Variants in EPB41L2 observed in about 807,000 individuals in gnomAD.
The protein encoded by EPB41L2 is erythrocyte membrane protein band 4.1 like 2.
EPB41L2 carries 43 observed loss-of-function variants against 113.0 expected under a neutral mutation model. The ratio of observed to expected loss-of-function variants is 0.38; its 90% CI spans 0.30 to 0.49. EPB41L2 has a LOEUF of 0.49. EPB41L2 is among the 20% of genes least tolerant of loss of function. EPB41L2 has a pLI of 0.95. For missense variants in EPB41L2, 1,147 were observed against 1,223.4 expected (o/e 0.94, Z 0.93); for synonymous variants, 442 against 436.7 (o/e 1.01, Z -0.15).
At position 130,869,736 on chromosome 6, in the gene EPB41L2, T is replaced by C; in HGVS notation, c.2434A>G (p.Thr812Ala). Residue 812 changes from threonine (T) to alanine (A), a missense_variant, in exon 15 of 20, where the codon ACA (threonine) becomes GCA (alanine). Transcript: ENST00000337057. ...QAGASVITVETVIQENVGAQK... is the reference protein window; with the variant it reads ...QAGASVITVEAVIQENVGAQK... Reference sequence around the variant, plus strand: ...GCACCTACATTTTCCTGGATCACTGTTTCTACTGTGATTACACTGGCACCT... The same window carrying C: ...GCACCTACATTTTCCTGGATCACTGCTTCTACTGTGATTACACTGGCACCT... 1 of 1,614,162 alleles carries C rather than the reference T, an allele frequency of 6.2e-7. No homozygotes were observed. The highest frequency in any genetic ancestry group is 2.2e-5 in the East Asian group (1 of 44,876).
chr6:130,927,785 T>A (rs556601920), intron 3 of EPB41L2, among the ~76,000 whole-genome samples: 28 of 152,162 alleles, frequency 1.8e-4, no homozygotes, highest in Non-Finnish European at 2.8e-4. Context: ...ACAGATAACA[T>A]TATTTCAACA....
At chr6:131,057,935 G>A (rs763735638) in intron 1 of EPB41L2, among the ~76,000 whole-genome samples, 6 of 152,202 alleles carry the variant, frequency 3.9e-5, no homozygotes, top group Non-Finnish European at 8.8e-5. Context: ...TCCCCATGAT[G>A]CCGAACTTAG....
At chr6:130,938,976 A>G (rs1208364262) in intron 3 of EPB41L2, among the ~76,000 whole-genome samples, 1 of 152,194 alleles carries the variant, frequency 6.6e-6, no homozygotes, top group Non-Finnish European at 1.5e-5. Context: ...CCTGGATATC[A>G]TCATGGAACT....
At chr6:130,943,656 A>C (rs1811664953) in intron 3 of EPB41L2, among the ~76,000 whole-genome samples, 1 of 152,246 alleles carries the variant, frequency 6.6e-6, no homozygotes, top group Non-Finnish European at 1.5e-5. Flanking sequence ...GGGCAAACAA[A>C]GTAATCCCCT....
chr6:131,036,924 G>A (rs949250223), intron 1 of EPB41L2, among the ~76,000 whole-genome samples: 4 of 152,160 alleles, frequency 2.6e-5, no homozygotes, highest in Admixed American at 2.6e-4. Flanking sequence ...CCACTGAGAG[G>A]GGCAGGAAAG....
intron 1 of EPB41L2, among the ~76,000 whole-genome samples, chr6:131,053,185 C>G (rs1198850888): frequency 6.6e-6 from 1 of 151,650 alleles, no homozygotes; most frequent in Non-Finnish European, 1.5e-5. Context: ...CATGAATCAC[C>G]GTGCCCAGCA....
At chr6:131,040,502 T>C (rs1794257420) in intron 1 of EPB41L2, among the ~76,000 whole-genome samples, 1 of 152,104 alleles carries the variant, frequency 6.6e-6, no homozygotes, top group East Asian at 1.9e-4. Flanking sequence ...TCTTTAAAAA[T>C]CCCATTTTAT....
At chr6:130,930,861 A>C (rs182114485) in intron 3 of EPB41L2, among the ~76,000 whole-genome samples, 38 of 152,336 alleles carry the variant, frequency 2.5e-4, no homozygotes, top group Non-Finnish European at 5.3e-4. Flanking sequence ...TTAAAATATG[A>C]CTAAGGAAAA....
At chr6:131,006,708 A>AT (rs1163856872) in intron 1 of EPB41L2, among the ~76,000 whole-genome samples, 1 of 151,600 alleles carries the variant, frequency 6.6e-6, no homozygotes, top group Admixed American at 6.6e-5. Context: ...CATGAGTTAG[A>AT]TTTTTTAGCA....
At chr6:130,961,396 G>A (rs1674557862) in intron 1 of EPB41L2, among the ~76,000 whole-genome samples, 1 of 152,158 alleles carries the variant, frequency 6.6e-6, no homozygotes, top group African/African-American at 2.4e-5. Context: ...CATCAATAGA[G>A]GATCAGTACT....
Position 130,939,411 on chromosome 6 carries a change from G to A in EPB41L2, c.706-12702C>T, listed in dbSNP as rs190812522. 2.9e-3 allele frequency among the ~76,000 whole-genome samples: 444 copies of A among 152,008 alleles called. 23 individuals carry two copies. The highest frequency in any genetic ancestry group is 0.027 in the Admixed American group (409 of 15,260). ...TGGGATTACAGGCGTGTGCCACCAA[G>A]CCCGGCTAATTTTTTGTATCTTTAG... On this transcript the variant is annotated intron_variant, in intron 3 of 19. Transcript: ENST00000337057.
intron 1 of EPB41L2, among the ~76,000 whole-genome samples, chr6:130,960,556 G>A (rs2128632064): frequency 6.6e-6 from 1 of 152,292 alleles, no homozygotes; most frequent in East Asian, 1.9e-4. Context: ...AGCCTCAAAA[G>A]TGATGATCAG....
intron 1 of EPB41L2, among the ~76,000 whole-genome samples, chr6:131,026,577 G>C (rs983950158): frequency 6.6e-6 from 1 of 152,192 alleles, no homozygotes; most frequent in African/African-American, 2.4e-5. Flanking sequence ...GGGCTAAAGA[G>C]AACTGAACAA....
chr6:130,941,518 T>A (rs1219518205), intron 3 of EPB41L2, among the ~76,000 whole-genome samples: 1 of 152,252 alleles, frequency 6.6e-6, no homozygotes, highest in Non-Finnish European at 1.5e-5. Flanking sequence ...GCACATTCTC[T>A]GTAAACTATT....
Position 130,926,610 on chromosome 6 carries a change from G to C in EPB41L2, c.805C>G (p.Gln269Glu), listed in dbSNP as rs368898174. ...ATAAACTTGAAATCACTTACTTTCT[G>C]CTCAGGGCTTTCCTGAAACAAAAGT... ...FGLLFQESPE[Q>E]KNWLDPAKEI... Residue 269 changes from glutamine (Q) to glutamate (E), a missense_variant, in exon 4 of 20, where the codon CAG becomes GAG. Coordinates refer to ENST00000337057, the MANE Select transcript of EPB41L2 (RefSeq NM_001431.4). 1 of 1,594,204 alleles carries C rather than the reference G, an allele frequency of 6.3e-7. No individual in the cohort carries two copies. The highest frequency in any genetic ancestry group is 8.6e-7 in the Non-Finnish European group (1 of 1,168,902).
At chr6:130,900,022 A>G (rs1369276277) in intron 7 of EPB41L2, among the ~76,000 whole-genome samples, 1 of 152,224 alleles carries the variant, frequency 6.6e-6, no homozygotes, top group Non-Finnish European at 1.5e-5. Context: ...GGTAACACAA[A>G]TCAATTGTCC....
chr6:131,040,004 C>T (rs145503431), intron 1 of EPB41L2, among the ~76,000 whole-genome samples: 7 of 152,286 alleles, frequency 4.6e-5, no homozygotes, highest in African/African-American at 1.7e-4. Flanking sequence ...CAGAAAATTG[C>T]AACCTAATGA....
chr6:130,941,212 G>C lies in EPB41L2; in HGVS notation c.705+13893C>G, dbSNP rs118147248. Among the ~76,000 whole-genome samples, 1,273 of 151,992 alleles carry C rather than the reference G, an allele frequency of 8.4e-3. 7 individuals carry two copies. The highest frequency in any genetic ancestry group is 0.014 in the Non-Finnish European group (957 of 67,986). ...TTAAAAATTATATACCATCACAAAG[G>C]GAGACTAGCAACCCTGTCATTAATT... On this transcript the variant is annotated intron_variant, in intron 3 of 19. Transcript: ENST00000337057.
intron 19 of EPB41L2, among the ~76,000 whole-genome samples, chr6:130,844,904 A>G (rs556813079): frequency 2.0e-5 from 3 of 152,144 alleles, no homozygotes; most frequent in Non-Finnish European, 2.9e-5. Flanking sequence ...TTAGCTGGGC[A>G]TGGTGGCACA....
Sources: allele counts gnomAD v4.1 joint callset (sites outside exome capture counted in the v4.1 genomes callset), GRCh38; gene constraint gnomAD v4.1.1; transcripts MANE v1.5; gene names NCBI Gene and HGNC (gene_info 2026-07-23, HGNC 2026-07-21).